PARG: variants seen among roughly 807,000 people sequenced by gnomAD.
PARG encodes mitochondrial poly(ADP-ribose) glycohydrolase.
A neutral mutation model predicts 113.0 loss-of-function variants in PARG; 35 were observed. That is an observed-to-expected ratio of 0.31 (90% confidence interval 0.24 to 0.41). The LOEUF (loss-of-function observed/expected upper bound fraction) is 0.41, where lower values mean the gene tolerates loss of function less well. Ranked by LOEUF, PARG falls within the 10% of genes least tolerant of loss-of-function variation. The probability of loss-of-function intolerance (pLI) is 1.00; values close to 1 mark genes in which losing one functional copy is unlikely to be tolerated. For missense variants in PARG, 797 were observed against 1,169.4 expected, an observed-to-expected ratio of 0.68 and a Z score of 4.64; for synonymous variants, 330 against 409.9, an observed-to-expected ratio of 0.81 and a Z score of 2.36.
At chr10:49,906,092 C>T (rs1377629272) in intron 7 of PARG, among the ~76,000 whole-genome samples, 1 of 149,776 alleles carries the variant, frequency 6.7e-6, no homozygotes, top group South Asian at 2.1e-4. Context: ...TTCAAAGGAA[C>T]GAAGACTGTT....
At chr10:49,835,834 T>G (rs782168019) in intron 15 of PARG, among the ~76,000 whole-genome samples, 11 of 152,226 alleles carry the variant, frequency 7.2e-5, no homozygotes, top group Non-Finnish European at 1.2e-4. Context: ...ATAGTGATGT[T>G]GCAGTCAACA....
At chr10:49,914,081 G>C (rs571322458) in intron 7 of PARG, among the ~76,000 whole-genome samples, 53 of 152,290 alleles carry the variant, frequency 3.5e-4, no homozygotes, top group South Asian at 6.2e-4. Flanking sequence ...AAGGTCACCA[G>C]ATAAAGGGGA....
intron 9 of PARG, among the ~76,000 whole-genome samples, chr10:49,879,216 C>G (rs1847099742): frequency 1.3e-5 from 2 of 152,254 alleles, no homozygotes; most frequent in African/African-American, 4.8e-5. Flanking sequence ...TTTTTCAAGT[C>G]TCATAAGACA....
At chr10:49,935,197 A>G (rs1838689917) in intron 1 of PARG, 55 bp from the exon 2 acceptor site, 4 of 675,784 alleles carry the variant, frequency 5.9e-6, no homozygotes, top group African/African-American at 1.8e-5. Flanking sequence ...CATATACAGC[A>G]TATTGTACAT....
intron 2 of PARG, among the ~76,000 whole-genome samples, chr10:49,934,668 T>A (rs1838659776): frequency 1.3e-5 from 2 of 152,184 alleles, no homozygotes; most frequent in Non-Finnish European, 2.9e-5. Flanking sequence ...GCTAACCCGG[T>A]GAAACCCCAT....
intron 13 of PARG, among the ~76,000 whole-genome samples, chr10:49,850,649 A>C (rs1182778776): frequency 6.6e-6 from 1 of 152,148 alleles, no homozygotes; most frequent in Non-Finnish European, 1.5e-5. Flanking sequence ...GCCTATTCTG[A>C]TCTGTTAACT....
intron 4 of PARG, among the ~76,000 whole-genome samples, chr10:49,927,288 A>G (rs1838221123): frequency 6.6e-6 from 1 of 151,574 alleles, no homozygotes; most frequent in Admixed American, 6.6e-5. Context: ...GCCTGGCGAC[A>G]GAGCAAGACT....
chr10:49,850,615 T>C (rs555485602), intron 13 of PARG, among the ~76,000 whole-genome samples: 1 of 152,340 alleles, frequency 6.6e-6, no homozygotes, highest in South Asian at 2.1e-4. Flanking sequence ...AGCCTCGTTT[T>C]TCCTGTTCAT....
intron 8 of PARG, among the ~76,000 whole-genome samples, chr10:49,880,867 C>T (rs1847180323): frequency 1.3e-5 from 2 of 152,126 alleles, no homozygotes; most frequent in Non-Finnish European, 2.9e-5. Context: ...GATAGCAGAC[C>T]TTGAAAGAAT....
At position 49,922,763 on chromosome 10, in the gene PARG, T is replaced by C. The variant is rs112842614; in HGVS notation, c.1456-94A>G. On this transcript the variant is annotated intron_variant, in intron 4 of 17. Coordinates refer to ENST00000616448, the MANE Select transcript of PARG (RefSeq NM_003631.5). ...AGTAACCAAAGCAAATGCTATAAAA[T>C]AGAGACCAGCTCCCAGGCAAGAAAT... 41 of 736,346 alleles carry C rather than the reference T, an allele frequency of 5.6e-5. No homozygotes were observed. In the African/African-American group the frequency reaches 5.8e-4, roughly 10 times the overall value. The allele number at this position is 736,346 out of a possible 1,614,324, so 45.6% of individuals were successfully genotyped here. A position where few individuals can be genotyped will look rare whatever the true frequency, so the allele number is the denominator to read the frequency against.
In PARG at chr10:49,851,155, A is replaced by G. The variant is rs1193927857; in HGVS notation, c.2353+6151T>C. Among the ~76,000 whole-genome samples, 3 of 151,970 alleles carry G rather than the reference A, an allele frequency of 2.0e-5. No homozygotes were observed. The East Asian group carries it at 5.8e-4, about 30-fold the overall frequency. Reference sequence around the variant, plus strand: ...TGATTTTTTAGATTTAGTAGTAAGAAACATGGTTATTTTCCCTTATTAGGA... The same window carrying G: ...TGATTTTTTAGATTTAGTAGTAAGAGACATGGTTATTTTCCCTTATTAGGA... On this transcript the variant is annotated intron_variant, in intron 13 of 17. Transcript: ENST00000616448.
intron 16 of PARG, among the ~76,000 whole-genome samples, chr10:49,831,522 G>A (rs575708902): frequency 6.6e-6 from 1 of 152,118 alleles, no homozygotes; most frequent in African/African-American, 2.4e-5. Context: ...CTAATGAGGC[G>A]ATTCAGATTG....
chr10:49,873,776 T>C (rs1395389107), intron 9 of PARG, among the ~76,000 whole-genome samples: 1 of 73,288 alleles, frequency 1.4e-5, no homozygotes, highest in East Asian at 4.2e-4. Context: ...CTAGGTTACC[T>C]GCCTTAATTC....
intron 9 of PARG, among the ~76,000 whole-genome samples, chr10:49,877,098 G>C (rs1846979977): frequency 6.7e-6 from 1 of 149,962 alleles, no homozygotes. Flanking sequence ...ATGTTTGAAG[G>C]TCATAAAAAT....
intron 10 of PARG, among the ~76,000 whole-genome samples, chr10:49,865,780 T>A (rs1554836795): frequency 1.3e-5 from 2 of 150,138 alleles, no homozygotes; most frequent in African/African-American, 4.9e-5. Flanking sequence ...CAAAATTGAA[T>A]TCAAATTTGT....
At chr10:49,836,727 G>C (rs1844954345) in intron 15 of PARG, among the ~76,000 whole-genome samples, 1 of 152,144 alleles carries the variant, frequency 6.6e-6, no homozygotes, top group African/African-American at 2.4e-5. Flanking sequence ...AGCAAATACT[G>C]ACTGGTTTTG....
intron 13 of PARG, among the ~76,000 whole-genome samples, chr10:49,849,825 C>G (rs1845677616): frequency 6.6e-6 from 1 of 151,206 alleles, no homozygotes; most frequent in Non-Finnish European, 1.5e-5. Flanking sequence ...CCAGCCTGGG[C>G]AACAGAATGA....
chr10:49,885,641 C>A (rs1322282100), intron 7 of PARG, among the ~76,000 whole-genome samples: 3 of 152,192 alleles, frequency 2.0e-5, no homozygotes, highest in Non-Finnish European at 4.4e-5. Flanking sequence ...TTGGTTGTAT[C>A]AACTAGAAAC....
At chr10:49,838,009 T>C (rs1161926481) in intron 15 of PARG, among the ~76,000 whole-genome samples, 1 of 152,192 alleles carries the variant, frequency 6.6e-6, no homozygotes, top group Admixed American at 6.5e-5. Flanking sequence ...GAAGAGTGAT[T>C]CAGGCATAAG....
Sources: gnomAD v4.1 joint callset for allele counts (sites outside exome capture counted in the v4.1 genomes callset) on GRCh38, gnomAD v4.1.1 for gene constraint, MANE v1.5 for transcripts, NCBI Gene and HGNC (gene_info 2026-07-23, HGNC 2026-07-21) for gene names.